Variants in ERG observed in about 807,000 individuals in gnomAD.
ERG encodes transcriptional regulator ERG.
A neutral mutation model predicts 55.3 loss-of-function variants in ERG; 9 were observed. The observed-to-expected ratio is 0.16, with a 90% CI of 0.10 to 0.28. ERG has a LOEUF of 0.28. Ranked by LOEUF, ERG falls within the 10% of genes least tolerant of loss-of-function variation. The pLI is 1.00. For missense variants in ERG, 434 were observed against 631.6 expected (o/e 0.69, Z 3.35); for synonymous variants, 223 against 237.3 (o/e 0.94, Z 0.55).
chr21:38,438,788 G>T (rs2058814485), intron 2 of ERG, among the ~76,000 whole-genome samples: 1 of 152,226 alleles, frequency 6.6e-6, no homozygotes, highest in African/African-American at 2.4e-5. Context: ...TTACCCAGCT[G>T]CTGGGCTTTC....
intron 2 of ERG, among the ~76,000 whole-genome samples, chr21:38,544,887 C>T (rs1052319830): frequency 6.6e-6 from 1 of 152,094 alleles, no homozygotes; most frequent in African/African-American, 2.4e-5. Context: ...CAGGGCTCTT[C>T]TCCCCTCCCC....
intron 1 of ERG, chr21:38,661,527 G>T (rs1171841756): frequency 2.0e-5 from 3 of 152,226 alleles, no homozygotes. Flanking sequence ...GGGAGACGAC[G>T]GCGTCTGCAA....
At chr21:38,452,374 T>C (rs1337074686) in intron 1 of ERG, among the ~76,000 whole-genome samples, 1 of 152,182 alleles carries the variant, frequency 6.6e-6, no homozygotes, top group Non-Finnish European at 1.5e-5. Flanking sequence ...CACATGCATA[T>C]ACACAAATAC....
At chr21:38,440,368 C>T (rs1174283331) in intron 2 of ERG, among the ~76,000 whole-genome samples, 6 of 152,194 alleles carry the variant, frequency 3.9e-5, no homozygotes, top group Admixed American at 6.5e-5. Context: ...ATCTGTGAGC[C>T]CCTCCGTGGC....
intron 1 of ERG, among the ~76,000 whole-genome samples, chr21:38,646,592 T>C (rs57121734): frequency 0.041 from 6,202 of 152,266 alleles, 393 homozygotes; most frequent in African/African-American, 0.14. Context: ...GCTTAAGTGA[T>C]CCTGTCAGCT....
chr21:38,471,913 A>G (rs2059142669), intron 1 of ERG: 1 of 152,212 alleles, frequency 6.6e-6, no homozygotes, highest in Admixed American at 6.5e-5. Context: ...AATGTCCAAA[A>G]CACACCTCAG....
chr21:38,645,307 G>A (rs1038260206), intron 1 of ERG, among the ~76,000 whole-genome samples: 2 of 152,150 alleles, frequency 1.3e-5, no homozygotes, highest in Non-Finnish European at 2.9e-5. Flanking sequence ...GTGAACTATG[G>A]CTATAGAGAA....
intron 1 of ERG, among the ~76,000 whole-genome samples, chr21:38,473,079 C>CT (rs1382821315): frequency 6.8e-6 from 1 of 146,726 alleles, no homozygotes; most frequent in Admixed American, 7.1e-5. Flanking sequence ...AGACGTAGTT[C>CT]TGAGGTGTAG....
At chr21:38,629,218 T>C (rs462099) in intron 1 of ERG, among the ~76,000 whole-genome samples, 151,096 of 152,250 alleles carry the variant, frequency 0.99, 74,978 homozygotes, top group East Asian at 1. Context: ...CCTGGTTCTT[T>C]CTCCAGGGAA....
At chr21:38,542,310 G>A (rs560207760) in intron 2 of ERG, among the ~76,000 whole-genome samples, 4 of 152,260 alleles carry the variant, frequency 2.6e-5, no homozygotes, top group East Asian at 3.9e-4. Context: ...ATTTTATCAC[G>A]ACAGTTATAA....
At chr21:38,499,730 G>A (rs1473474851), upstream of ERG, among the ~76,000 whole-genome samples, 1 of 151,490 alleles carries the variant, frequency 6.6e-6, no homozygotes, top group East Asian at 1.9e-4. Flanking sequence ...GATAAGGGGG[G>A]AAAGGGAGAG....
At chr21:38,423,318 G>A in intron 3 of ERG, 92 bp downstream of exon 3, 1 of 1,356,816 alleles carries the variant, frequency 7.4e-7, no homozygotes, top group Non-Finnish European at 1.0e-6. Context: ...TGTGATCAAT[G>A]CCACAGGTGG....
intron 1 of ERG, among the ~76,000 whole-genome samples, chr21:38,629,497 A>T (rs1237401135): frequency 6.6e-6 from 1 of 152,228 alleles, no homozygotes; most frequent in Non-Finnish European, 1.5e-5. Flanking sequence ...ATGAACAGAC[A>T]TTTCTCCAAA....
intron 1 of ERG, among the ~76,000 whole-genome samples, chr21:38,494,415 C>A (rs753386854): frequency 6.6e-6 from 1 of 152,222 alleles, no homozygotes; most frequent in African/African-American, 2.4e-5. Flanking sequence ...TCTTATGTAT[C>A]AGCTGTTAAA....
At chr21:38,549,622 C>T (rs917023197) in intron 2 of ERG, among the ~76,000 whole-genome samples, 1 of 152,136 alleles carries the variant, frequency 6.6e-6, no homozygotes, top group African/African-American at 2.4e-5. Context: ...TCTTTTGAAA[C>T]AGAGGCTTCT....
chr21:38,405,075 A>G (rs777873229), intron 3 of ERG, among the ~76,000 whole-genome samples: 2 of 152,002 alleles, frequency 1.3e-5, no homozygotes, highest in East Asian at 1.9e-4. Context: ...AGTAGAATCT[A>G]CCTTTCCCAT....
chr21:38,501,354 A>C (rs572585586), upstream of ERG, among the ~76,000 whole-genome samples: 284 of 151,970 alleles, frequency 1.9e-3, 3 homozygotes, highest in African/African-American at 6.5e-3. Context: ...GACGTGAACC[A>C]CCACGCCCGG....
At chr21:38,574,596 A>G (rs1474996992) in intron 2 of ERG, among the ~76,000 whole-genome samples, 1 of 152,342 alleles carries the variant, frequency 6.6e-6, no homozygotes, top group East Asian at 1.9e-4. Context: ...CACCAAATGT[A>G]TTGTTTTAAA....
Position 38,382,327 on chromosome 21 carries a change from T to C in ERG, c.*1076A>G. 1 of 1,057,546 alleles carries C rather than the reference T, an allele frequency of 9.5e-7. No homozygotes were observed. The highest frequency in any genetic ancestry group is 1.1e-6 in the Non-Finnish European group (1 of 874,168). The allele number at this position is 1,057,546 out of a possible 1,614,324, so 65.5% of individuals were successfully genotyped here. On this transcript the variant is annotated 3_prime_UTR_variant, in exon 10 of 10. Transcript: ENST00000288319. The stretch of plus-strand genomic sequence containing the variant: ...CTGGAGGCCGCCTACCCAAAATGCC[T>C]GCGTGATTTCTGATTGTGGCAGCCA...
Sources: gnomAD v4.1 joint callset for allele counts (sites outside exome capture counted in the v4.1 genomes callset) on GRCh38, gnomAD v4.1.1 for gene constraint, MANE v1.5 for transcripts, NCBI Gene and HGNC (gene_info 2026-07-23, HGNC 2026-07-21) for gene names.